The following HS3ST4 variants were observed in gnomAD, a reference collection of about 807,000 sequenced individuals.
HS3ST4 encodes heparan sulfate glucosamine 3-O-sulfotransferase 4.
A neutral mutation model predicts 29.2 loss-of-function variants in HS3ST4; 17 were observed. The observed-to-expected ratio is 0.58, with a 90% CI of 0.40 to 0.87. The LOEUF (loss-of-function observed/expected upper bound fraction) is 0.87, where lower values mean the gene tolerates loss of function less well. Among genes scored for constraint, HS3ST4 ranks in the 40% least tolerant of loss-of-function variants. The pLI, the probability that HS3ST4 is intolerant of heterozygous loss-of-function variation, is 0.00. For synonymous variants in HS3ST4, 314 were observed against 285.7 expected, an observed-to-expected ratio of 1.10 and a Z score of -1.00; for missense variants, 627 against 634.5, an observed-to-expected ratio of 0.99 and a Z score of 0.13.
At chr16:25,773,828 C>T (rs12443637) in intron 1 of HS3ST4, among the ~76,000 whole-genome samples, 25,011 of 152,030 alleles carry the variant, frequency 0.16, 2,281 homozygotes, top group South Asian at 0.27. Flanking sequence ...TCTCCCGTGT[C>T]GATTATACTA....
intron 1 of HS3ST4, among the ~76,000 whole-genome samples, chr16:25,957,897 G>A (rs1968752908): frequency 6.6e-6 from 1 of 152,116 alleles, no homozygotes; most frequent in Non-Finnish European, 1.5e-5. Flanking sequence ...ACAGGTGGCT[G>A]TTGGCTGGTG....
At chr16:26,116,974 C>G (rs1343815953) in intron 1 of HS3ST4, among the ~76,000 whole-genome samples, 1 of 152,176 alleles carries the variant, frequency 6.6e-6, no homozygotes, top group African/African-American at 2.4e-5. Flanking sequence ...CTTCTGGTCC[C>G]AAGCATTTTG....
At chr16:25,740,593 AT>A (rs1966645329) in intron 1 of HS3ST4, among the ~76,000 whole-genome samples, 3 of 152,304 alleles carry the variant, frequency 2.0e-5, no homozygotes, top group African/African-American at 7.2e-5. Context: ...AATCATTTAG[AT>A]TTTGTGGTGG....
At chr16:25,729,782 T>C (rs1400214736) in intron 1 of HS3ST4, among the ~76,000 whole-genome samples, 2 of 152,206 alleles carry the variant, frequency 1.3e-5, no homozygotes, top group Non-Finnish European at 2.9e-5. Context: ...GTAATTTCTT[T>C]CAAATGATTT....
intron 1 of HS3ST4, among the ~76,000 whole-genome samples, chr16:25,996,941 T>C (rs995211054): frequency 6.6e-6 from 1 of 152,196 alleles, no homozygotes; most frequent in African/African-American, 2.4e-5. Flanking sequence ...GGTTTCTTTA[T>C]ATAAGTCCCA....
rs1337784494 is a variant in HS3ST4, at chr16:25,693,116, C to T, written c.699C>T (p.Phe233=). 6.2e-7 allele frequency: 1 copy of T among 1,608,690 alleles called. No homozygotes were observed. ...CGGTGGGCGTAGAGCCGCACTTCTT[C>T]GACAGGAACTACGAAAAGGGGTTGG... ...VRAVGVEPHF[F]DRNYEKGLEW... is the part of the protein sequence containing the mutation. The change falls in exon 1 of 2, where the codon TTC becomes TTT. Residue 233 remains phenylalanine, a synonymous_variant. Transcript: ENST00000331351.
At chr16:25,897,536 GGGATCCTTTGCT>G (rs1968079768) in intron 1 of HS3ST4, among the ~76,000 whole-genome samples, 1 of 152,150 alleles carries the variant, frequency 6.6e-6, no homozygotes, top group South Asian at 2.1e-4. Context: ...GGTCCCAGAG[GGGATCCTTTGCT>G]GGCTGCGTGA....
At chr16:25,864,137 C>T (rs962625672) in intron 1 of HS3ST4, among the ~76,000 whole-genome samples, 3 of 152,232 alleles carry the variant, frequency 2.0e-5, no homozygotes, top group Admixed American at 2.0e-4. Context: ...ACCCTAATGG[C>T]TCATATCAAC....
At chr16:25,882,028 A>G (rs1967900655) in intron 1 of HS3ST4, among the ~76,000 whole-genome samples, 1 of 152,130 alleles carries the variant, frequency 6.6e-6, no homozygotes, top group African/African-American at 2.4e-5. Flanking sequence ...CTTTGCTTTC[A>G]GAGATTCAAA....
At chr16:25,710,258 T>C (rs749730285) in intron 1 of HS3ST4, among the ~76,000 whole-genome samples, 5 of 152,232 alleles carry the variant, frequency 3.3e-5, no homozygotes, top group Admixed American at 2.0e-4. Context: ...GAGATTCTTA[T>C]TAGCACACAA....
At chr16:26,000,869 G>A (rs946410969) in intron 1 of HS3ST4, among the ~76,000 whole-genome samples, 26 of 152,072 alleles carry the variant, frequency 1.7e-4, no homozygotes, top group African/African-American at 4.8e-4. Context: ...GAATCTAATC[G>A]TGAGAAAACA....
intron 1 of HS3ST4, among the ~76,000 whole-genome samples, chr16:26,132,878 A>G (rs1049206639): frequency 2.6e-5 from 4 of 152,234 alleles, no homozygotes; most frequent in African/African-American, 9.6e-5. Flanking sequence ...ATCAAGATTT[A>G]TCTAATATTT....
At chr16:25,898,038 G>A (rs950099983) in intron 1 of HS3ST4, among the ~76,000 whole-genome samples, 8 of 152,146 alleles carry the variant, frequency 5.3e-5, no homozygotes, top group African/African-American at 1.4e-4. Flanking sequence ...ACAGTGAGCC[G>A]CCTGGGACTC....
chr16:25,928,816 C>T (rs763626052), intron 1 of HS3ST4, among the ~76,000 whole-genome samples: 3 of 152,108 alleles, frequency 2.0e-5, no homozygotes, highest in Non-Finnish European at 2.9e-5. Context: ...TTACCAGAAT[C>T]GATGCAGCCC....
chr16:26,003,194 C>CA (rs1969228031), intron 1 of HS3ST4, among the ~76,000 whole-genome samples: 1 of 152,144 alleles, frequency 6.6e-6, no homozygotes. Context: ...TTTCAACTTG[C>CA]AGGTTGTAGA....
intron 1 of HS3ST4, among the ~76,000 whole-genome samples, chr16:25,739,273 C>T (rs1433244224): frequency 2.3e-4 from 35 of 152,024 alleles, no homozygotes; most frequent in African/African-American, 8.0e-4. Context: ...GCCTGGGAGG[C>T]GGAGGTTTCA....
intron 1 of HS3ST4, among the ~76,000 whole-genome samples, chr16:25,771,467 C>T (rs1222825114): frequency 6.6e-6 from 1 of 152,064 alleles, no homozygotes; most frequent in Admixed American, 6.6e-5. Context: ...AGGGCCTTTG[C>T]ACAGACTCTC....
intron 1 of HS3ST4, among the ~76,000 whole-genome samples, chr16:25,806,726 A>G (rs910109652): frequency 1.3e-5 from 2 of 152,142 alleles, no homozygotes; most frequent in Non-Finnish European, 2.9e-5. Flanking sequence ...ATATTGCACA[A>G]CTATAGCTTA....
Position 26,136,129 on chromosome 16 carries a change from C to T in HS3ST4, c.1252C>T (p.Pro418Ser). Reference sequence around the variant, plus strand: ...AGGCAAGAGCAAAGGTCGGACTCATCCTCGCATTGACCCAGATGTCATCCA... The same window carrying T: ...AGGCAAGAGCAAAGGTCGGACTCATTCTCGCATTGACCCAGATGTCATCCA... ...CLGKSKGRTH[P>S]RIDPDVIHRL... Residue 418 changes from proline (P) to serine (S), a missense_variant, in exon 2 of 2, where the codon CCT becomes TCT. By Grantham distance (74) the Pro-to-Ser change is moderately conservative. Coordinates refer to ENST00000331351, the MANE Select transcript of HS3ST4 (RefSeq NM_006040.3). 1 of 1,613,436 alleles carries T rather than the reference C, an allele frequency of 6.2e-7. No homozygotes were observed.
Sources: gnomAD v4.1 joint callset for allele counts (sites outside exome capture counted in the v4.1 genomes callset) on GRCh38, gnomAD v4.1.1 for gene constraint, MANE v1.5 for transcripts, NCBI Gene and HGNC (gene_info 2026-07-23, HGNC 2026-07-21) for gene names.